Variants in TRIM71 observed in about 807,000 individuals in gnomAD.
The protein encoded by TRIM71 is E3 ubiquitin-protein ligase TRIM71.
TRIM71 carries 9 observed loss-of-function variants against 61.2 expected under a neutral mutation model. The observed-to-expected ratio is 0.15, with a 90% CI of 0.09 to 0.26. The LOEUF is 0.26. Ranked by LOEUF, TRIM71 falls within the 10% of genes least tolerant of loss-of-function variation. The probability of loss-of-function intolerance (pLI) is 1.00; values close to 1 mark genes in which losing one functional copy is unlikely to be tolerated. For missense variants in TRIM71, 998 were observed against 1,238.7 expected, an observed-to-expected ratio of 0.81 and a Z score of 2.92; for synonymous variants, 645 against 553.2, an observed-to-expected ratio of 1.17 and a Z score of -2.33.
intron 1 of TRIM71, among the ~76,000 whole-genome samples, chr3:32,869,361 T>C (rs949682134): frequency 5.9e-5 from 9 of 152,236 alleles, no homozygotes; most frequent in Non-Finnish European, 1.2e-4. Context: ...GTTGAGACAT[T>C]TCGATGAACT....
chr3:32,889,302 T>C (rs1696996271), intron 3 of TRIM71, among the ~76,000 whole-genome samples: 1 of 152,028 alleles, frequency 6.6e-6, no homozygotes, highest in Non-Finnish European at 1.5e-5. Flanking sequence ...GATCTTGCTG[T>C]ATTACCCAGG....
At chr3:32,863,753 C>G (rs1048232737) in intron 1 of TRIM71, among the ~76,000 whole-genome samples, 5 of 152,088 alleles carry the variant, frequency 3.3e-5, no homozygotes, top group African/African-American at 9.7e-5. Flanking sequence ...GAGATCTTGG[C>G]TCACTGCAGC....
chr3:32,891,728 G>T lies in TRIM71; in HGVS notation c.2524G>T (p.Asp842Tyr), dbSNP rs1697027194. The T allele has an allele frequency of 6.2e-7, 1 of 1,614,012 alleles. No homozygotes were observed. The highest frequency in any genetic ancestry group is 1.7e-5 in the Admixed American group (1 of 59,990). Reference protein sequence around the residue: ...GAQGSGFGQMDRPSGIAITPD... With the variant: ...GAQGSGFGQMYRPSGIAITPD... The stretch of plus-strand genomic sequence containing the variant: ...TCAAGGCAGCGGCTTTGGGCAGATG[G>T]ACCGCCCTTCCGGCATCGCCATCAC... The change falls in exon 4 of 4, where the codon GAC (aspartate) becomes TAC (tyrosine). Residue 842 changes from aspartate (D) to tyrosine (Y), a missense_variant. Asp to Tyr is a radical substitution (Grantham distance 160, BLOSUM62 -3). This residue lies in a region of TRIM71 where 95 missense variants were observed against 159.0 expected (regional missense o/e 0.60). Transcript: ENST00000383763. The surrounding 1 kb of genome is among the most constrained non-coding windows in gnomAD (Gnocchi z 8.2).
intron 1 of TRIM71, among the ~76,000 whole-genome samples, chr3:32,834,840 C>CA (rs528733347): frequency 2.0e-4 from 30 of 150,296 alleles, no homozygotes; most frequent in East Asian, 1.2e-3. Flanking sequence ...GACTCCATCT[C>CA]AAAAAAAAAG....
chr3:32,854,338 G>A (rs1158068677), intron 1 of TRIM71, among the ~76,000 whole-genome samples: 1 of 152,172 alleles, frequency 6.6e-6, no homozygotes, highest in Non-Finnish European at 1.5e-5. Flanking sequence ...CACATTCTTA[G>A]AGATAGTTGT....
chr3:32,828,622 C>T (rs551780035), intron 1 of TRIM71, among the ~76,000 whole-genome samples: 5 of 151,204 alleles, frequency 3.3e-5, no homozygotes, highest in African/African-American at 1.2e-4. Context: ...ATCCTCCCAC[C>T]TCTGCCTTCT....
intron 1 of TRIM71, among the ~76,000 whole-genome samples, chr3:32,824,457 G>A (rs907333733): frequency 6.6e-6 from 1 of 150,808 alleles, no homozygotes; most frequent in Non-Finnish European, 1.5e-5. Context: ...CTTCCCAAAG[G>A]GCTGGGATTG....
chr3:32,835,954 A>G (rs1265691536), intron 1 of TRIM71, among the ~76,000 whole-genome samples: 1 of 152,186 alleles, frequency 6.6e-6, no homozygotes, highest in African/African-American at 2.4e-5. Flanking sequence ...CCCTGTACTG[A>G]CTTGCTGGTC....
intron 1 of TRIM71, among the ~76,000 whole-genome samples, chr3:32,853,449 G>C (rs1479262134): frequency 6.6e-6 from 1 of 152,048 alleles, no homozygotes; most frequent in African/African-American, 2.4e-5. Context: ...GGTTGCCCTG[G>C]AATCAATTTA....
chr3:32,833,183 TTAAAAAAAAA>T lies in TRIM71; in HGVS notation c.852+14252_852+14261del, dbSNP rs1450315620. 4.3e-4 allele frequency among the ~76,000 whole-genome samples: 17 copies of T among 39,138 alleles called. No homozygotes were observed. The East Asian group carries it at 0.029, about 67-fold the overall frequency. The allele number at this position is 39,138 out of a possible 152,430, so 25.7% of individuals were successfully genotyped here. The stretch of plus-strand genomic sequence containing the variant: ...CGGTGACAAGAATGAAACTCTGTCT[TTAAAAAAAAA>T]AAAAAAAAAAAAAAAAAAAGAGGCA... On this transcript the variant is annotated intron_variant, in intron 1 of 3. Coordinates refer to ENST00000383763, the MANE Select transcript of TRIM71 (RefSeq NM_001039111.3).
intron 1 of TRIM71, among the ~76,000 whole-genome samples, chr3:32,832,780 C>T (rs1011688299): frequency 6.6e-6 from 1 of 152,066 alleles, no homozygotes; most frequent in African/African-American, 2.4e-5. Flanking sequence ...TAAGGGTACC[C>T]TCCTCTTCCT....
At chr3:32,876,016 T>G (rs9846737) in intron 2 of TRIM71, among the ~76,000 whole-genome samples, 2 of 152,240 alleles carry the variant, frequency 1.3e-5, no homozygotes, top group East Asian at 1.9e-4. Flanking sequence ...TTTGAGAGAC[T>G]TTCTTGAATG....
At chr3:32,852,157 T>TG (rs879629935) in intron 1 of TRIM71, among the ~76,000 whole-genome samples, 6 of 152,076 alleles carry the variant, frequency 3.9e-5, no homozygotes, top group Non-Finnish European at 8.8e-5. Context: ...ACAGATTCCC[T>TG]GGGGGGTAGC....
intron 1 of TRIM71, among the ~76,000 whole-genome samples, chr3:32,849,995 C>G (rs1177337638): frequency 6.6e-6 from 1 of 152,172 alleles, no homozygotes; most frequent in Non-Finnish European, 1.5e-5. Context: ...TCTTTCAAAG[C>G]AAGATAGTCA....
At chr3:32,846,606 T>A (rs1696477579) in intron 1 of TRIM71, among the ~76,000 whole-genome samples, 1 of 152,174 alleles carries the variant, frequency 6.6e-6, no homozygotes. Context: ...TCTTCCTGTC[T>A]AACTGAAACT....
At chr3:32,876,802 C>G (rs758024669) in intron 2 of TRIM71, among the ~76,000 whole-genome samples, 5 of 151,864 alleles carry the variant, frequency 3.3e-5, no homozygotes, top group Non-Finnish European at 7.4e-5. Context: ...AAGGAGAGCA[C>G]CAACAAATCA....
chr3:32,892,734 A>C lies in TRIM71; in HGVS notation c.*923A>C, dbSNP rs1697040587. The C allele has an allele frequency of 6.6e-6, 1 of 152,216 alleles. No individual in the cohort carries two copies. The highest frequency in any genetic ancestry group is 2.4e-5 in the African/African-American group (1 of 41,448). The allele number at this position is 152,216 out of a possible 1,614,324, so 9.4% of individuals were successfully genotyped here. On this transcript the variant is annotated 3_prime_UTR_variant, in exon 4 of 4. Coordinates refer to ENST00000383763, the MANE Select transcript of TRIM71 (RefSeq NM_001039111.3). Reference sequence around the variant, plus strand: ...TTGATTAAACATATTCTCAAAAGTTATGCTTTCTTATTTTGCTGTTAGGTT... The same window carrying C: ...TTGATTAAACATATTCTCAAAAGTTCTGCTTTCTTATTTTGCTGTTAGGTT...
intron 1 of TRIM71, among the ~76,000 whole-genome samples, chr3:32,870,876 G>A (rs1696788130): frequency 6.6e-6 from 1 of 152,112 alleles, no homozygotes; most frequent in African/African-American, 2.4e-5. Context: ...TCAGTGCCAT[G>A]GTCACGGCTC....
chr3:32,841,938 A>G (rs560975982), intron 1 of TRIM71, among the ~76,000 whole-genome samples: 24 of 152,342 alleles, frequency 1.6e-4, no homozygotes, highest in African/African-American at 5.8e-4. Flanking sequence ...CATGTGCCAC[A>G]GTGCTCAGCC....
Sources: gnomAD v4.1 joint callset for allele counts (sites outside exome capture counted in the v4.1 genomes callset) on GRCh38, gnomAD v4.1.1 for gene constraint, gnomAD v4.1.1 regional missense constraint, Gnocchi (gnomAD v3.1) non-coding constraint, MANE v1.5 for transcripts, NCBI Gene and HGNC (gene_info 2026-07-23, HGNC 2026-07-21) for gene names.